WNK2: variants seen among roughly 807,000 people sequenced by gnomAD.
The protein encoded by WNK2 is serine/threonine-protein kinase WNK2.
A neutral mutation model predicts 192.1 loss-of-function variants in WNK2; 67 were observed. The ratio of observed to expected loss-of-function variants is 0.35; its 90% CI spans 0.29 to 0.43. WNK2 has a LOEUF of 0.43. WNK2 is among the 20% of genes least tolerant of loss of function. WNK2 has a pLI of 1.00. For missense variants in WNK2, 2,698 were observed against 3,089.7 expected, an observed-to-expected ratio of 0.87 and a Z score of 3.01; for synonymous variants, 1,439 against 1,393.9, an observed-to-expected ratio of 1.03 and a Z score of -0.72.
chr9:93,289,999 C>G lies in WNK2; in HGVS notation c.4888C>G (p.Pro1630Ala), dbSNP rs1244732972. ...CCAGGTGGAGAAGTCAGAACTGGCCCCCACTCGAGGGGCCGTGATGGAGCA... is the reference window on the plus strand; with the variant it reads ...CCAGGTGGAGAAGTCAGAACTGGCCGCCACTCGAGGGGCCGTGATGGAGCA... ...QPLVEKSELA[P>A]TRGAVMEQGT... is the part of the protein sequence containing the mutation. The change falls in exon 21 of 30, where the codon CCC (proline) becomes GCC (alanine). Residue 1630 changes from proline to alanine, a missense_variant. Around this residue, in one of 7 missense-constraint regions of WNK2, gnomAD observed 1,098 missense variants for 1,101.0 expected, o/e 1.00. Transcript: ENST00000427277. 3 of 1,577,946 alleles carry G rather than the reference C, an allele frequency of 1.9e-6. No homozygotes were observed. In the South Asian group the frequency reaches 3.5e-5, roughly 18 times the overall value.
intron 2 of WNK2, among the ~76,000 whole-genome samples, chr9:93,192,109 A>T (rs1377174575): frequency 2.0e-5 from 3 of 149,652 alleles, no homozygotes; most frequent in Non-Finnish European, 4.4e-5. Context: ...AGGTCAAGAG[A>T]TTGAGGCCAT....
chr9:93,251,365 C>T (rs192077555), intron 8 of WNK2, among the ~76,000 whole-genome samples: 7 of 152,130 alleles, frequency 4.6e-5, no homozygotes, highest in Admixed American at 1.3e-4. Context: ...GATCTGCCTG[C>T]CTCAGCCTCC....
intron 29 of WNK2, chr9:93,319,361 G>T: frequency 1.0e-6 from 1 of 985,470 alleles, no homozygotes; most frequent in Non-Finnish European, 1.2e-6. Context: ...GTGCTGGGCT[G>T]GGCTGTCCCC....
rs535825762 is a variant in WNK2, at chr9:93,219,931, C to T, written c.682-9765C>T. Among the ~76,000 whole-genome samples the T allele has an allele frequency of 7.9e-5, 12 of 152,374 alleles. No individual in the cohort carries two copies. The South Asian group carries it at 2.3e-3, about 29-fold the overall frequency. ...AGTGCAGGCGCATCCAGGCCCCACCCTGCTTAGCGCCGGGCTCCTCCTGGC... is the reference window on the plus strand; with the variant it reads ...AGTGCAGGCGCATCCAGGCCCCACCTTGCTTAGCGCCGGGCTCCTCCTGGC... On this transcript the variant is annotated intron_variant, in intron 2 of 29. Transcript: ENST00000427277.
At chr9:93,209,466 G>A (rs1834090833) in intron 2 of WNK2, among the ~76,000 whole-genome samples, 1 of 152,216 alleles carries the variant, frequency 6.6e-6, no homozygotes, top group Admixed American at 6.5e-5. Context: ...GTGGACCTCA[G>A]TCCCCTCTCC....
At chr9:93,317,909 G>C in intron 29 of WNK2, 1 of 1,596,236 alleles carries the variant, frequency 6.3e-7, no homozygotes, top group Non-Finnish European at 8.6e-7. Context: ...AACCAGGTGT[G>C]GTTTGGCCTC....
chr9:93,319,286 G>A, intron 29 of WNK2: 3 of 1,481,412 alleles, frequency 2.0e-6, no homozygotes, highest in Non-Finnish European at 2.7e-6. Context: ...GAGCACAGGA[G>A]TTGGGAGCCA....
chr9:93,316,075 GCAGA>G (rs1487242535), intron 28 of WNK2: 1 of 152,150 alleles, frequency 6.6e-6, no homozygotes, highest in Non-Finnish European at 1.5e-5. Context: ...ACTGAATTGA[GCAGA>G]CATTCGTCAA....
intron 28 of WNK2, 22 bp from the exon 29 acceptor site, chr9:93,317,498 T>G (rs1018994916): frequency 3.0e-5 from 49 of 1,612,406 alleles, no homozygotes; most frequent in Non-Finnish European, 4.0e-5. Flanking sequence ...TACCTTCCTC[T>G]TCTCGTCTCT....
intron 24 of WNK2, 30 bp downstream of exon 24, chr9:93,298,097 G>A: frequency 6.5e-7 from 1 of 1,545,440 alleles, no homozygotes; most frequent in Non-Finnish European, 8.7e-7. Context: ...GCTGGGATGG[G>A]AGCGGGGCTG....
At chr9:93,275,686 A>G (rs943761672) in intron 19 of WNK2, among the ~76,000 whole-genome samples, 2 of 152,232 alleles carry the variant, frequency 1.3e-5, no homozygotes, top group Non-Finnish European at 2.9e-5. Flanking sequence ...AGATAACATG[A>G]TTTCATATGT....
intron 2 of WNK2, among the ~76,000 whole-genome samples, chr9:93,198,679 C>T (rs1000537079): frequency 2.6e-5 from 4 of 152,188 alleles, no homozygotes; most frequent in African/African-American, 7.2e-5. Context: ...TTGGTATATG[C>T]CCTTCTTAGC....
intron 2 of WNK2, among the ~76,000 whole-genome samples, chr9:93,211,838 G>A (rs111207191): frequency 0.036 from 5,246 of 147,088 alleles, 294 homozygotes; most frequent in African/African-American, 0.13. Flanking sequence ...TCTACTCCTC[G>A]CTCACTCACA....
At chr9:93,311,612 T>TG (rs1377526914) in intron 28 of WNK2, among the ~76,000 whole-genome samples, 71 of 125,434 alleles carry the variant, frequency 5.7e-4, no homozygotes, top group South Asian at 1.8e-3. Flanking sequence ...GGTTTTTTTG[T>TG]TTGTGTGTGT....
At chr9:93,258,035 T>C (rs1055447185) in intron 11 of WNK2, among the ~76,000 whole-genome samples, 1 of 152,200 alleles carries the variant, frequency 6.6e-6, no homozygotes, top group African/African-American at 2.4e-5. Flanking sequence ...GAAGATTCTT[T>C]TGTGTTGTCT....
In WNK2 at chr9:93,230,897, G is replaced by A. The variant is rs762236250; in HGVS notation, c.864G>A (p.Lys288=). Residue 288 remains lysine, a synonymous_variant, in exon 4 of 30, where the codon AAG becomes AAA. Transcript: ENST00000427277. The stretch of plus-strand genomic sequence containing the variant: ...CCGTGAACCCCTGCAGATACCTGAA[G>A]CGGTTCAAGGTGATGAAGCCCAAGG... ...MTSGTLKTYL[K]RFKVMKPKVL... 1.2e-5 allele frequency: 20 copies of A among 1,612,802 alleles called. No homozygotes were observed. In the Admixed American group the frequency reaches 2.3e-4, roughly 19 times the overall value.
At chr9:93,185,791 G>C (rs896066033) in intron 2 of WNK2, among the ~76,000 whole-genome samples, 181 bp downstream of exon 2, 1 of 152,228 alleles carries the variant, frequency 6.6e-6, no homozygotes, top group African/African-American at 2.4e-5. Flanking sequence ...CGGCATGTGG[G>C]GCCTGGCTGT....
At position 93,247,664 on chromosome 9, in the gene WNK2, A is replaced by G; in HGVS notation, c.1664A>G (p.Gln555Arg). 6.3e-7 allele frequency: 1 copy of G among 1,580,526 alleles called. No homozygotes were observed. Among genetic ancestry groups the G allele is most frequent in the South Asian group, 1.2e-5 (1 of 86,456 alleles). The change falls in exon 8 of 30, where the codon CAG (glutamine) becomes CGG (arginine). Residue 555 changes from glutamine (Q) to arginine (R), a missense_variant. Gln to Arg is a conservative substitution (Grantham distance 43). Around this residue, in one of 7 missense-constraint regions of WNK2, gnomAD observed 893 missense variants for 909.0 expected, o/e 0.98. Transcript: ENST00000427277. This position sits in a 1 kb window ranked among gnomAD's most constrained non-coding sequence, Gnocchi z 5.2. ...RIWPALQPKE[Q>R]QDVGSPDKAR... Reference sequence around the variant, plus strand: ...TGGCCCGCGCTGCAGCCCAAGGAGCAGCAGGATGTGGGCAGCCCGGACAAG... The same window carrying G: ...TGGCCCGCGCTGCAGCCCAAGGAGCGGCAGGATGTGGGCAGCCCGGACAAG...
At chr9:93,215,132 T>C (rs1835506237) in intron 2 of WNK2, among the ~76,000 whole-genome samples, 1 of 151,978 alleles carries the variant, frequency 6.6e-6, no homozygotes, top group Non-Finnish European at 1.5e-5. Context: ...TTATTATTAT[T>C]ATTTTTTGAG....
Sources: gnomAD v4.1 joint callset for allele counts (sites outside exome capture counted in the v4.1 genomes callset) on GRCh38, gnomAD v4.1.1 for gene constraint, gnomAD v4.1.1 regional missense constraint, Gnocchi (gnomAD v3.1) non-coding constraint, MANE v1.5 for transcripts, NCBI Gene and HGNC (gene_info 2026-07-23, HGNC 2026-07-21) for gene names.